FYCO1: variants seen among roughly 807,000 people sequenced by gnomAD.
FYCO1 encodes the protein FYVE and coiled-coil domain-containing protein 1.
A neutral mutation model predicts 165.1 loss-of-function variants in FYCO1; 122 were observed. That is an observed-to-expected ratio of 0.74 (90% CI 0.64 to 0.86). The LOEUF (loss-of-function observed/expected upper bound fraction) is 0.86, where lower values mean the gene tolerates loss of function less well. FYCO1 is among the 40% of genes least tolerant of loss of function. The pLI is 0.00. For missense variants in FYCO1, 1,702 were observed against 1,810.3 expected (o/e 0.94, Z 1.09); for synonymous variants, 648 against 742.5 (o/e 0.87, Z 2.07).
chr3:45,955,812 A>T (rs538632390), intron 13 of FYCO1, among the ~76,000 whole-genome samples: 15 of 152,266 alleles, frequency 9.9e-5, no homozygotes, highest in Non-Finnish European at 1.6e-4. Context: ...TTTTGAAAGC[A>T]GGAGTCTGTC....
intron 1 of FYCO1, among the ~76,000 whole-genome samples, chr3:45,992,220 T>A (rs1333525015): frequency 1.3e-5 from 2 of 152,168 alleles, no homozygotes; most frequent in Admixed American, 6.5e-5. Context: ...TGTGACACCA[T>A]CAACAAGGCA....
intron 3 of FYCO1, 134 bp from the exon 4 acceptor site, chr3:45,979,964 T>G: frequency 8.9e-7 from 1 of 1,119,148 alleles, no homozygotes; most frequent in South Asian, 1.3e-5. Context: ...TTATTTTTAT[T>G]TATTGGCAAA....
chr3:45,938,618 C>A (rs13091979), intron 14 of FYCO1, among the ~76,000 whole-genome samples: 51,758 of 151,762 alleles, frequency 0.34, 10,489 homozygotes, highest in East Asian at 0.66. Context: ...CTCAGCCTCC[C>A]GAATAGCTGG....
chr3:45,977,897 C>A (rs1365145220), intron 4 of FYCO1, among the ~76,000 whole-genome samples: 1 of 152,118 alleles, frequency 6.6e-6, no homozygotes, highest in African/African-American at 2.4e-5. Context: ...ACCAAGTAAC[C>A]AGCAACTCAC....
At chr3:45,980,817 AAC>A (rs1374231377) in intron 3 of FYCO1, among the ~76,000 whole-genome samples, 17 of 152,238 alleles carry the variant, frequency 1.1e-4, no homozygotes, top group Non-Finnish European at 2.2e-4. Context: ...GATAAAACAA[AAC>A]ACAAAAATAG....
chr3:45,976,246 C>A (rs1706752176), intron 4 of FYCO1, among the ~76,000 whole-genome samples: 1 of 151,800 alleles, frequency 6.6e-6, no homozygotes, highest in South Asian at 2.1e-4. Context: ...GTGACCGTAA[C>A]TGTTTGAGGC....
chr3:45,954,029 C>T (rs1705176156), intron 14 of FYCO1, among the ~76,000 whole-genome samples: 1 of 152,222 alleles, frequency 6.6e-6, no homozygotes, highest in African/African-American at 2.4e-5. Flanking sequence ...AATCACCAAA[C>T]TGGAGACCCA....
At chr3:45,953,159 T>C (rs1049085234) in intron 14 of FYCO1, among the ~76,000 whole-genome samples, 1 of 152,186 alleles carries the variant, frequency 6.6e-6, no homozygotes, top group Admixed American at 6.5e-5. Flanking sequence ...TCCCTTACAA[T>C]GGCAGCGTCA....
At chr3:45,970,068 T>C (rs1706332899) in intron 6 of FYCO1, among the ~76,000 whole-genome samples, 1 of 152,188 alleles carries the variant, frequency 6.6e-6, no homozygotes. Flanking sequence ...TGCCTCAGTT[T>C]GTCTGCCAGT....
intron 14 of FYCO1, among the ~76,000 whole-genome samples, chr3:45,942,606 C>T (rs886207294): frequency 1.3e-5 from 2 of 152,192 alleles, no homozygotes; most frequent in African/African-American, 4.8e-5. Context: ...GTACCCTCTC[C>T]ACTACAAGGC....
At chr3:45,947,812 T>C (rs1245717104) in intron 14 of FYCO1, 2 of 366,158 alleles carry the variant, frequency 5.5e-6, no homozygotes, top group African/African-American at 2.1e-5. Context: ...TTCTCCTTGA[T>C]TGGGACTGGG....
At chr3:45,943,249 T>A (rs571297401) in intron 14 of FYCO1, among the ~76,000 whole-genome samples, 6 of 152,298 alleles carry the variant, frequency 3.9e-5, no homozygotes, top group South Asian at 2.1e-4. Flanking sequence ...CCCTTTAGTT[T>A]ACGAATAAAG....
Position 45,975,317 on chromosome 3 carries a change from G to A in FYCO1, c.317C>T (p.Ala106Val). 6.2e-7 allele frequency: 1 copy of A among 1,614,062 alleles called. No individual in the cohort carries two copies. The highest frequency in any genetic ancestry group is 1.3e-5 in the African/African-American group (1 of 75,036). The change falls in exon 5 of 18, where the codon GCA becomes GTA. Residue 106 changes from alanine to valine, a missense_variant. Transcript: ENST00000296137. ...ELRTSLGKGRAFIRYSLVHQR... is the reference protein window; with the variant it reads ...ELRTSLGKGRVFIRYSLVHQR... ...GTGCACCAAGGAGTAGCGAATAAAT[G>A]CTCTTCCTTTCCCCAAGGATGTTCG...
chr3:45,928,976 T>C lies in FYCO1; in HGVS notation c.4251+2095A>G, dbSNP rs908903869. Among the ~76,000 whole-genome samples, 4 of 152,374 alleles carry C rather than the reference T, an allele frequency of 2.6e-5. No individual in the cohort carries two copies. The South Asian group carries it at 6.2e-4, about 24-fold the overall frequency. ...TACACAGCATAATTCCTTGTGTCTA[T>C]ACCTCCGTAATCATGAAGTCTGAGT... On this transcript the variant is annotated intron_variant, in intron 16 of 17. Coordinates refer to ENST00000296137, the MANE Select transcript of FYCO1 (RefSeq NM_024513.4).
At chr3:45,990,111 G>T (rs942935996) in intron 1 of FYCO1, among the ~76,000 whole-genome samples, 4 of 152,244 alleles carry the variant, frequency 2.6e-5, no homozygotes, top group African/African-American at 4.8e-5. Context: ...TGACCGAAGT[G>T]TCAGGGGGTC....
chr3:45,984,681 C>A (rs1707227411), intron 2 of FYCO1, 175 bp downstream of exon 2: 2 of 730,438 alleles, frequency 2.7e-6, no homozygotes, highest in East Asian at 2.7e-5. Flanking sequence ...GCTTTCCAAG[C>A]CTTACACAAG....
At chr3:45,937,392 G>T (rs942784831) in intron 14 of FYCO1, among the ~76,000 whole-genome samples, 2 of 152,214 alleles carry the variant, frequency 1.3e-5, no homozygotes, top group East Asian at 1.9e-4. Flanking sequence ...CCTCTAGCTG[G>T]AGGTCTCTGT....
intron 14 of FYCO1, among the ~76,000 whole-genome samples, chr3:45,939,301 C>T (rs1429005656): frequency 6.6e-6 from 1 of 152,166 alleles, no homozygotes; most frequent in African/African-American, 2.4e-5. Context: ...TTCTTCTGTC[C>T]CAAATGCTCC....
intron 16 of FYCO1, among the ~76,000 whole-genome samples, chr3:45,927,078 G>A (rs369294262): frequency 6.6e-6 from 1 of 152,176 alleles, no homozygotes; most frequent in Non-Finnish European, 1.5e-5. Context: ...TGTCCAACCC[G>A]CGGCCCAGGA....
Sources: gnomAD v4.1 joint callset for allele counts (sites outside exome capture counted in the v4.1 genomes callset) on GRCh38, gnomAD v4.1.1 for gene constraint, MANE v1.5 for transcripts, NCBI Gene and HGNC (gene_info 2026-07-23, HGNC 2026-07-21) for gene names.